Variants in RBFOX1 observed in about 807,000 individuals in gnomAD.
RBFOX1 encodes the protein RNA binding fox-1 homolog 1.
A neutral mutation model predicts 57.7 loss-of-function variants in RBFOX1; 8 were observed. The ratio of observed to expected loss-of-function variants is 0.14; its 90% confidence interval spans 0.08 to 0.25. The LOEUF is 0.25. Among genes scored for constraint, RBFOX1 ranks in the 10% least tolerant of loss-of-function variants. The pLI, the probability that RBFOX1 is intolerant of heterozygous loss-of-function variation, is 1.00. For synonymous variants in RBFOX1, 326 were observed against 222.4 expected (o/e 1.47, Z -4.15); for missense variants, 611 against 548.5 (o/e 1.11, Z -1.14).
chr16:6,830,337 C>G (rs1264609132), intron 3 of RBFOX1, among the ~76,000 whole-genome samples: 1 of 152,170 alleles, frequency 6.6e-6, no homozygotes, highest in African/African-American at 2.4e-5. Context: ...TAGTTCCTAA[C>G]ATTGTTTCAT....
rs75706686 is a variant in RBFOX1 at position 5,665,826 on chromosome 16, G to T, written c.318+66865G>T. Among the ~76,000 whole-genome samples the T allele has an allele frequency of 5.6e-3, 852 of 152,342 alleles. 9 individuals are homozygous for T. The highest frequency in any genetic ancestry group is 0.02 in the African/African-American group (814 of 41,574). ...GGTTTATACCCACGTGCTGCTGAGT[G>T]GGAGCAGAGCCATGCTGTGCCCTGA... On this transcript the variant is annotated intron_variant, in intron 3 of 19. Transcript: ENST00000641259.
intron 3 of RBFOX1, among the ~76,000 whole-genome samples, chr16:5,635,151 C>G (rs1364037265): frequency 6.6e-6 from 1 of 152,216 alleles, no homozygotes; most frequent in Admixed American, 6.5e-5. Context: ...AACATTTTCA[C>G]TTTTGACTTT....
intron 1 of RBFOX1, chr16:6,038,460 G>C (rs1405902618): frequency 6.7e-6 from 1 of 149,434 alleles, no homozygotes; most frequent in African/African-American, 2.4e-5. Flanking sequence ...GGAATTACAG[G>C]TGTGAGCCAC....
intron 1 of RBFOX1, among the ~76,000 whole-genome samples, chr16:6,022,041 C>G (rs1046751980): frequency 6.6e-6 from 1 of 152,156 alleles, no homozygotes; most frequent in African/African-American, 2.4e-5. Flanking sequence ...ACAGAAGCCT[C>G]AAGCTCTCCC....
At chr16:6,659,115 TTTTA>T (rs1285659627) in intron 3 of RBFOX1, among the ~76,000 whole-genome samples, 18 of 151,922 alleles carry the variant, frequency 1.2e-4, no homozygotes, top group African/African-American at 4.1e-4. Flanking sequence ...TTAAATTCAT[TTTTA>T]TTTGTGGTGT....
Position 7,597,354 on chromosome 16 carries a change from GT to G in RBFOX1, c.562-13del. ...GGCCCTAGAATATGTGCTTACTTGA[GT>G]TTTCTATGTACATAGGTAAATAATG... On this transcript the variant is annotated splice_polypyrimidine_tract_variant and intron_variant, in intron 8 of 15. Coordinates refer to ENST00000550418, the MANE Select transcript of RBFOX1 (RefSeq NM_018723.4). 6.3e-7 allele frequency: 1 copy of G among 1,594,198 alleles called. No homozygotes were observed. Among genetic ancestry groups the G allele is most frequent in the Middle Eastern group, 1.7e-4 (1 of 6,000 alleles).
At position 7,085,291 on chromosome 16, in the gene RBFOX1, C is replaced by A. The variant is rs1203927056; in HGVS notation, c.27+33193C>A. On this transcript the variant is annotated intron_variant, in intron 4 of 15. Coordinates refer to ENST00000550418, the MANE Select transcript of RBFOX1 (RefSeq NM_018723.4). ...TGTCACCTAAAGAGAACAGCTGCCACTCAGCACCGGCTCATGGTTATCACT... is the reference window on the plus strand; with the variant it reads ...TGTCACCTAAAGAGAACAGCTGCCAATCAGCACCGGCTCATGGTTATCACT... Among the ~76,000 whole-genome samples, 5 of 152,132 alleles carry A rather than the reference C, an allele frequency of 3.3e-5. No homozygotes were observed. The East Asian group carries it at 9.6e-4, about 29-fold the overall frequency.
intron 3 of RBFOX1, among the ~76,000 whole-genome samples, chr16:7,027,094 C>A (rs984611416): frequency 2.6e-5 from 4 of 152,106 alleles, no homozygotes; most frequent in African/African-American, 7.2e-5. Flanking sequence ...GAGGCTCTTT[C>A]CTGAACCCGT....
intron 4 of RBFOX1, among the ~76,000 whole-genome samples, chr16:5,902,519 G>C (rs2058329227): frequency 6.6e-6 from 1 of 152,116 alleles, no homozygotes; most frequent in Non-Finnish European, 1.5e-5. Context: ...AGGTTCGAGT[G>C]ATTCTCCCGC....
chr16:5,544,491 T>C (rs148613931), intron 2 of RBFOX1, among the ~76,000 whole-genome samples: 37 of 151,414 alleles, frequency 2.4e-4, no homozygotes, highest in Non-Finnish European at 4.9e-4. Flanking sequence ...GAGACTAGAA[T>C]GAAAAGAACA....
intron 3 of RBFOX1, among the ~76,000 whole-genome samples, chr16:6,878,358 G>C (rs1230104970): frequency 2.0e-5 from 3 of 152,146 alleles, no homozygotes; most frequent in Non-Finnish European, 4.4e-5. Flanking sequence ...AGAGTTTCTA[G>C]AAATTTCTTA....
intron 5 of RBFOX1, among the ~76,000 whole-genome samples, chr16:7,551,782 G>A (rs2086620572): frequency 6.6e-6 from 1 of 152,130 alleles, no homozygotes. Flanking sequence ...AATAGGCCAT[G>A]ATGTCAATAT....
chr16:5,824,280 C>T (rs1404255363), intron 3 of RBFOX1, among the ~76,000 whole-genome samples: 1 of 152,236 alleles, frequency 6.6e-6, no homozygotes, highest in Non-Finnish European at 1.5e-5. Context: ...ACCATGATGA[C>T]AGCTGAGTGG....
intron 10 of RBFOX1, among the ~76,000 whole-genome samples, chr16:7,628,899 C>A (rs2060492383): frequency 6.6e-6 from 1 of 152,088 alleles, no homozygotes; most frequent in Non-Finnish European, 1.5e-5. Flanking sequence ...AGGCATGAGC[C>A]ACTACACCTG....
chr16:5,349,275 G>A (rs2065209694), intron 1 of RBFOX1, among the ~76,000 whole-genome samples: 2 of 152,206 alleles, frequency 1.3e-5, no homozygotes, highest in Admixed American at 6.5e-5. Flanking sequence ...ATTGATTGCC[G>A]GGGGAGTTTC....
At chr16:6,798,284 G>A (rs536016720) in intron 3 of RBFOX1, among the ~76,000 whole-genome samples, 1 of 152,214 alleles carries the variant, frequency 6.6e-6, no homozygotes, top group African/African-American at 2.4e-5. Flanking sequence ...TCCTGAATCT[G>A]CATAGATTGT....
intron 2 of RBFOX1, among the ~76,000 whole-genome samples, chr16:6,395,119 G>T (rs1302464918): frequency 1.3e-5 from 2 of 152,156 alleles, no homozygotes; most frequent in African/African-American, 4.8e-5. Flanking sequence ...GTCACCGAAG[G>T]GTTTGCTAAA....
chr16:6,837,664 A>G (rs943295457), intron 3 of RBFOX1, among the ~76,000 whole-genome samples: 1 of 152,222 alleles, frequency 6.6e-6, no homozygotes, highest in Admixed American at 6.5e-5. Context: ...AAAATTGAGG[A>G]TAATAATAGT....
chr16:6,434,461 C>T (rs187089684), intron 2 of RBFOX1, among the ~76,000 whole-genome samples: 55 of 152,292 alleles, frequency 3.6e-4, no homozygotes, highest in African/African-American at 1.3e-3. Context: ...CTGACTCTCC[C>T]TTAGTCTTGA....
Sources: gnomAD v4.1 joint callset for allele counts (sites outside exome capture counted in the v4.1 genomes callset) on GRCh38, gnomAD v4.1.1 for gene constraint, MANE v1.5 for transcripts, NCBI Gene and HGNC (gene_info 2026-07-23, HGNC 2026-07-21) for gene names.